HECW1: variants seen among roughly 807,000 people sequenced by gnomAD.
The protein encoded by HECW1 is E3 ubiquitin-protein ligase HECW1.
In HECW1, 61 loss-of-function variants were observed where a neutral mutation model predicts 182.3. The ratio of observed to expected loss-of-function variants is 0.33; its 90% CI spans 0.27 to 0.41. The LOEUF (loss-of-function observed/expected upper bound fraction) is 0.41. Among genes scored for constraint, HECW1 ranks in the 10% least tolerant of loss-of-function variants. HECW1 has a pLI of 1.00. For synonymous variants in HECW1, 859 were observed against 832.6 expected (o/e 1.03, Z -0.55); for missense variants, 1,739 against 2,108.9 (o/e 0.82, Z 3.44).
At chr7:43,548,124 G>C (rs1202452670) in intron 26 of HECW1, among the ~76,000 whole-genome samples, 3 of 152,188 alleles carry the variant, frequency 2.0e-5, no homozygotes, top group Admixed American at 6.5e-5. Flanking sequence ...CTAAGTGTTT[G>C]TGTGTGTACA....
intron 17 of HECW1, among the ~76,000 whole-genome samples, chr7:43,485,388 T>C (rs999437820): frequency 3.9e-5 from 6 of 152,236 alleles, no homozygotes; most frequent in African/African-American, 1.4e-4. Context: ...GCTGGAAGTT[T>C]GTAAAATTCA....
intron 27 of HECW1, 42 bp downstream of exon 27, chr7:43,550,633 T>C (rs1207110925): frequency 1.9e-6 from 3 of 1,553,782 alleles, no homozygotes; most frequent in Non-Finnish European, 2.6e-6. Flanking sequence ...GTGGCCAGGG[T>C]GCTGCTTCAC....
intron 29 of HECW1, among the ~76,000 whole-genome samples, chr7:43,555,109 C>A (rs148824771): frequency 1.3e-3 from 199 of 152,282 alleles, no homozygotes; most frequent in Middle Eastern, 6.8e-3. Flanking sequence ...GAGGCAAGGA[C>A]ATTAATATAA....
At chr7:43,361,939 T>A (rs1394031131) in intron 6 of HECW1, among the ~76,000 whole-genome samples, 3 of 148,030 alleles carry the variant, frequency 2.0e-5, no homozygotes, top group African/African-American at 7.5e-5. Context: ...GTCAGGAGTT[T>A]AAGACCAGCC....
chr7:43,504,871 T>G (rs1339208691), intron 21 of HECW1, among the ~76,000 whole-genome samples: 1 of 152,186 alleles, frequency 6.6e-6, no homozygotes, highest in Non-Finnish European at 1.5e-5. Flanking sequence ...ACACATCTTC[T>G]CTGTCATCTC....
intron 4 of HECW1, among the ~76,000 whole-genome samples, chr7:43,319,975 T>C (rs1809882618): frequency 6.6e-6 from 1 of 152,082 alleles, no homozygotes; most frequent in African/African-American, 2.4e-5. Context: ...GTGTTTACAG[T>C]CTGTCTTCTC....
At chr7:43,550,723 G>A (rs2081785670) in intron 27 of HECW1, 132 bp downstream of exon 27, 1 of 868,182 alleles carries the variant, frequency 1.2e-6, no homozygotes, top group Non-Finnish European at 1.8e-6. Context: ...GGTGGGCAGT[G>A]GGCTCAGCGA....
At chr7:43,486,800 G>C (rs1009507842) in intron 17 of HECW1, among the ~76,000 whole-genome samples, 1 of 152,132 alleles carries the variant, frequency 6.6e-6, no homozygotes, top group African/African-American at 2.4e-5. Context: ...AGATGGAAAA[G>C]CATAATTCCC....
At position 43,407,656 on chromosome 7, in the gene HECW1, C is replaced by T. The variant is rs200458933; in HGVS notation, c.726C>T (p.Pro242=). ...SIQPGKHSIF[P]ALPHHGQERR... is the part of the protein sequence containing the mutation. ...AGCCTGGGAAACACAGCATCTTCCC[C>T]GCCCTCCCTCACCATGGACAGGAGA... The change falls in exon 8 of 30, where the codon CCC becomes CCT. Residue 242 remains proline (P), a synonymous_variant. Coordinates refer to ENST00000395891, the MANE Select transcript of HECW1 (RefSeq NM_015052.5). 505 of 1,613,892 alleles carry T rather than the reference C, an allele frequency of 3.1e-4. 1 individual carries two copies. The highest frequency in any genetic ancestry group is 3.8e-4 in the Non-Finnish European group (449 of 1,179,868).
chr7:43,501,288 A>C lies in HECW1; in HGVS notation c.3597A>C (p.Arg1199=), dbSNP rs17339479. 0.2 allele frequency: 315,040 copies of C among 1,603,202 alleles called. 33,087 individuals carry two copies. The highest frequency in any genetic ancestry group is 0.22 in the Middle Eastern group (1,313 of 6,032). The change falls in exon 21 of 30, where the codon CGA becomes CGC. Residue 1199 remains arginine, a synonymous_variant. Coordinates refer to ENST00000395891, the MANE Select transcript of HECW1 (RefSeq NM_015052.5). ...ACCCTGGGTATAGCTTCTCTCCCCG[A>C]TGTTCACCCTGTTCTTCACCTCAGA... ...AFHPGYSFSP[R]CSPCSSPQNS... is the part of the protein sequence containing the mutation.
intron 14 of HECW1, 105 bp downstream of exon 14, chr7:43,463,904 G>T: frequency 7.7e-7 from 1 of 1,294,070 alleles, no homozygotes; most frequent in South Asian, 1.4e-5. Flanking sequence ...GTGCCCCAGG[G>T]TGAAGAGAGT....
chr7:43,336,811 CT>C (rs1297081980), intron 5 of HECW1, among the ~76,000 whole-genome samples: 2 of 152,148 alleles, frequency 1.3e-5, no homozygotes, highest in African/African-American at 4.8e-5. Flanking sequence ...GCTTGATTTG[CT>C]GTTTCTGAGT....
chr7:43,346,146 G>A lies in HECW1; in HGVS notation c.461-14740G>A, dbSNP rs1236839325. On this transcript the variant is annotated intron_variant, in intron 5 of 29. Coordinates refer to ENST00000395891, the MANE Select transcript of HECW1 (RefSeq NM_015052.5). Reference sequence around the variant, plus strand: ...AGTGTTCCCTGTTCACCACATCCACGCCAACATCTACTGTTTTTTTATTTT... The same window carrying A: ...AGTGTTCCCTGTTCACCACATCCACACCAACATCTACTGTTTTTTTATTTT... Among the ~76,000 whole-genome samples the A allele has an allele frequency of 1.1e-4, 16 of 151,982 alleles. 1 individual carries two copies. Among genetic ancestry groups the A allele is most frequent in the Admixed American group, 5.2e-4 (8 of 15,240 alleles).
intron 2 of HECW1, among the ~76,000 whole-genome samples, chr7:43,185,662 A>G (rs1249771906): frequency 6.6e-6 from 1 of 152,178 alleles, no homozygotes; most frequent in South Asian, 2.1e-4. Flanking sequence ...TGAGAGTAGG[A>G]GAAAGCATTT....
intron 2 of HECW1, among the ~76,000 whole-genome samples, chr7:43,154,023 A>G (rs551989318): frequency 2.0e-5 from 3 of 152,202 alleles, no homozygotes; most frequent in Non-Finnish European, 4.4e-5. Flanking sequence ...CTCAAATTCC[A>G]TGTCAGTTCT....
At chr7:43,493,012 C>T (rs2078987422) in intron 18 of HECW1, 72 bp from the exon 19 acceptor site, 2 of 1,002,378 alleles carry the variant, frequency 2.0e-6, no homozygotes, top group Admixed American at 4.3e-5. Flanking sequence ...ATCAAGCAGC[C>T]ATTTTCCAAT....
intron 24 of HECW1, among the ~76,000 whole-genome samples, chr7:43,534,434 G>T (rs947820164): frequency 6.6e-6 from 1 of 152,224 alleles, no homozygotes; most frequent in Non-Finnish European, 1.5e-5. Context: ...AAGAGGGAGA[G>T]AAGGAAGGGA....
intron 6 of HECW1, among the ~76,000 whole-genome samples, chr7:43,392,325 C>CA (rs2075062057): frequency 6.6e-6 from 1 of 152,134 alleles, no homozygotes; most frequent in South Asian, 2.1e-4. Flanking sequence ...CAGAATTGAG[C>CA]ATAATGTGGC....
chr7:43,444,470 T>C lies in HECW1; in HGVS notation c.1298T>C (p.Val433Ala). The C allele has an allele frequency of 6.2e-7, 1 of 1,613,372 alleles. No individual in the cohort carries two copies. The highest frequency in any genetic ancestry group is 8.5e-7 in the Non-Finnish European group (1 of 1,179,738). The change falls in exon 11 of 30, where the codon GTG becomes GCG. Residue 433 changes from valine (V) to alanine (A), a missense_variant. Val to Ala is a moderately conservative substitution (Grantham distance 64). Transcript: ENST00000395891. This position sits in a 1 kb window ranked among gnomAD's most constrained non-coding sequence, Gnocchi z 4.3. ...GCAGGAGACCAGGGCATGGTCTCTG[T>C]GGGACCTGAAGGGGCTGGGGAGCTC... ...TEAGDQGMVS[V>A]GPEGAGELLA...
Sources: gnomAD v4.1 joint callset for allele counts (sites outside exome capture counted in the v4.1 genomes callset) on GRCh38, gnomAD v4.1.1 for gene constraint, Gnocchi (gnomAD v3.1) non-coding constraint, MANE v1.5 for transcripts, NCBI Gene and HGNC (gene_info 2026-07-23, HGNC 2026-07-21) for gene names.